The following UQCRC2 variants were observed in gnomAD, a reference collection of about 807,000 sequenced individuals.
UQCRC2 encodes cytochrome b-c1 complex subunit 2, mitochondrial.
In UQCRC2, 49 loss-of-function variants were observed where a neutral mutation model predicts 55.6. The observed-to-expected ratio is 0.88, with a 90% CI of 0.70 to 1.12. The LOEUF is 1.12. Among genes scored for constraint, UQCRC2 ranks in the 50% most tolerant of loss-of-function variants. The pLI, the probability that UQCRC2 is intolerant of heterozygous loss-of-function variation, is 0.00. For synonymous variants in UQCRC2, 193 were observed against 192.0 expected (o/e 1.01, Z -0.04); for missense variants, 506 against 547.8 (o/e 0.92, Z 0.76).
intron 4 of UQCRC2, among the ~76,000 whole-genome samples, chr16:21,961,636 A>T (rs1265015502): frequency 2.0e-5 from 1 of 48,912 alleles, no homozygotes; most frequent in Non-Finnish European, 3.3e-5. Context: ...TTATATATAT[A>T]TATATATATA....
chr16:21,983,140 T>G lies in UQCRC2; in HGVS notation c.1331T>G (p.Leu444Trp). 6.2e-7 allele frequency: 1 copy of G among 1,614,114 alleles called. No individual in the cohort carries two copies. The highest frequency in any genetic ancestry group is 8.5e-7 in the Non-Finnish European group (1 of 1,180,006). Residue 444 changes from leucine (L) to tryptophan (W), a missense_variant, in exon 14 of 14, where the codon TTG (leucine) becomes TGG (tryptophan). Leu to Trp is a moderately conservative substitution (Grantham distance 61). Transcript: ENST00000268379. Reference protein sequence around the residue: ...GQKSMAASGNLGHTPFVDEL With the variant: ...GQKSMAASGNWGHTPFVDEL ...AAGTCAATGGCAGCAAGTGGAAATT[T>G]GGGACATACACCTTTTGTTGATGAG...
At chr16:21,970,301 TTATGTCTA>T (rs1898429018) in intron 8 of UQCRC2, among the ~76,000 whole-genome samples, 1 of 152,218 alleles carries the variant, frequency 6.6e-6, no homozygotes, top group Non-Finnish European at 1.5e-5. Context: ...GTTCTTTTGG[TTATGTCTA>T]AGAACAGAAT....
At position 21,980,623 on chromosome 16, in the gene UQCRC2, C is replaced by G. The variant is rs1597970235; in HGVS notation, c.1201C>G (p.Leu401Val). ...CFLEEVGSQA[L>V]VAGSYMPPST... ...CCTGGAAGAAGTCGGGTCCCAGGCT[C>G]TAGTTGCTGGTTCTTACATGCCACC... Residue 401 changes from leucine (L) to valine (V), a missense_variant, in exon 13 of 14, where the codon CTA (leucine) becomes GTA (valine). By Grantham distance (32) the Leu-to-Val change is conservative. Coordinates refer to ENST00000268379, the MANE Select transcript of UQCRC2 (RefSeq NM_003366.4). The G allele has an allele frequency of 1.9e-6, 3 of 1,614,186 alleles. No homozygotes were observed. The highest frequency in any genetic ancestry group is 2.5e-6 in the Non-Finnish European group (3 of 1,180,032).
intron 12 of UQCRC2, among the ~76,000 whole-genome samples, chr16:21,977,339 G>A (rs1045387537): frequency 6.6e-6 from 1 of 151,552 alleles, no homozygotes; most frequent in Admixed American, 6.6e-5. Flanking sequence ...GGGCAACAGA[G>A]CAAGACCCTG....
At chr16:21,960,460 C>G (rs978665638) in intron 4 of UQCRC2, among the ~76,000 whole-genome samples, 4 of 152,176 alleles carry the variant, frequency 2.6e-5, no homozygotes, top group Non-Finnish European at 4.4e-5. Flanking sequence ...CTAATCCAGA[C>G]CAGTAAAACT....
chr16:21,976,004 A>C (rs116354729), intron 11 of UQCRC2, among the ~76,000 whole-genome samples, 163 bp from the exon 12 acceptor site: 1 of 152,176 alleles, frequency 6.6e-6, no homozygotes, highest in African/African-American at 2.4e-5. Context: ...GAACATAGGA[A>C]GAATAAGGAA....
chr16:21,973,916 T>C lies in UQCRC2; in HGVS notation c.987T>C (p.Ser329=), dbSNP rs1898521124. 1 of 1,613,106 alleles carries C rather than the reference T, an allele frequency of 6.2e-7. No individual in the cohort carries two copies. The highest frequency in any genetic ancestry group is 8.5e-7 in the Non-Finnish European group (1 of 1,179,626). Residue 329 remains serine, a synonymous_variant, in exon 11 of 14, where the codon AGT becomes AGC. Coordinates refer to ENST00000268379, the MANE Select transcript of UQCRC2 (RefSeq NM_003366.4). ...TTCAGGTTTCTGCATTTAATGCCAG[T>C]TACTCAGATTCTGGACTCTTTGGGA... ...QPFDVSAFNA[S]YSDSGLFGIY...
chr16:21,963,860 T>C (rs1438220379), intron 6 of UQCRC2, among the ~76,000 whole-genome samples: 1 of 152,228 alleles, frequency 6.6e-6, no homozygotes, highest in East Asian at 1.9e-4. Flanking sequence ...ATTGCTATTA[T>C]TGTTTAGCCA....
Position 21,973,963 on chromosome 16 carries a change from C to T in UQCRC2, c.1034C>T (p.Thr345Ile). The change falls in exon 11 of 14, where the codon ACA becomes ATA. Residue 345 changes from threonine to isoleucine, a missense_variant. Physicochemically the swap from Thr to Ile is moderately conservative, Grantham distance 89. Coordinates refer to ENST00000268379, the MANE Select transcript of UQCRC2 (RefSeq NM_003366.4). ...GGGATTTATACTATCTCCCAGGCCACAGCTGCTGGAGATGTAAGTTGCAAA... is the reference window on the plus strand; with the variant it reads ...GGGATTTATACTATCTCCCAGGCCATAGCTGCTGGAGATGTAAGTTGCAAA... ...LFGIYTISQATAAGDVIKAAY... is the reference protein window; with the variant it reads ...LFGIYTISQAIAAGDVIKAAY... 1 of 1,608,550 alleles carries T rather than the reference C, an allele frequency of 6.2e-7. No individual in the cohort carries two copies. Among genetic ancestry groups the T allele is most frequent in the Non-Finnish European group, 8.5e-7 (1 of 1,178,720 alleles).
intron 13 of UQCRC2, among the ~76,000 whole-genome samples, chr16:21,982,620 C>T (rs144908443): frequency 5.9e-5 from 9 of 152,288 alleles, no homozygotes; most frequent in East Asian, 5.8e-4. Context: ...AAGCACCAGC[C>T]ATCTCCTAGT....
intron 6 of UQCRC2, among the ~76,000 whole-genome samples, 186 bp from the exon 7 acceptor site, chr16:21,965,222 T>C (rs1474587326): frequency 6.6e-6 from 1 of 152,334 alleles, no homozygotes; most frequent in East Asian, 1.9e-4. Flanking sequence ...TATTTTTTTC[T>C]CAGCACATTC....
At chr16:21,965,950 C>G (rs1343612354) in intron 7 of UQCRC2, among the ~76,000 whole-genome samples, 1 of 152,084 alleles carries the variant, frequency 6.6e-6, no homozygotes, top group Non-Finnish European at 1.5e-5. Flanking sequence ...TCTCAAAGTG[C>G]TGGGATTACA....
chr16:21,975,231 C>T (rs1350702284), intron 11 of UQCRC2, among the ~76,000 whole-genome samples: 1 of 152,106 alleles, frequency 6.6e-6, no homozygotes, highest in African/African-American at 2.4e-5. Flanking sequence ...ATTCAGGGAT[C>T]TAGGCTCAAT....
intron 5 of UQCRC2, 89 bp downstream of exon 5, chr16:21,962,605 C>T (rs1387013608): frequency 3.1e-6 from 5 of 1,596,340 alleles, no homozygotes; most frequent in Non-Finnish European, 4.3e-6. Context: ...ATTATGACCT[C>T]TGACTTCCAT....
chr16:21,955,754 T>C (rs1898076238), intron 1 of UQCRC2, among the ~76,000 whole-genome samples: 1 of 152,154 alleles, frequency 6.6e-6, no homozygotes, highest in South Asian at 2.1e-4. Context: ...GTGGTCTTAA[T>C]ACAGCACACA....
At chr16:21,979,883 G>A (rs1420745692) in intron 12 of UQCRC2, among the ~76,000 whole-genome samples, 1 of 152,166 alleles carries the variant, frequency 6.6e-6, no homozygotes, top group Non-Finnish European at 1.5e-5. Context: ...ACATCATTAT[G>A]TAGTACATGA....
intron 6 of UQCRC2, 138 bp downstream of exon 6, chr16:21,963,023 CTG>C: frequency 2.6e-6 from 3 of 1,168,534 alleles, no homozygotes; most frequent in Non-Finnish European, 3.4e-6. Flanking sequence ...GAGTCTCACT[CTG>C]TCACCCAGGC....
chr16:21,967,854 C>T (rs772568267), intron 7 of UQCRC2, among the ~76,000 whole-genome samples: 3 of 152,024 alleles, frequency 2.0e-5, no homozygotes, highest in Non-Finnish European at 4.4e-5. Context: ...ACTCTGTTAG[C>T]CCTGTTATAG....
intron 11 of UQCRC2, among the ~76,000 whole-genome samples, chr16:21,975,911 A>G (rs1205454197): frequency 6.6e-6 from 1 of 152,214 alleles, no homozygotes; most frequent in African/African-American, 2.4e-5. Context: ...CTAAAAAATT[A>G]GCCAGGCCTG....
Sources: gnomAD v4.1 joint callset for allele counts (sites outside exome capture counted in the v4.1 genomes callset) on GRCh38, gnomAD v4.1.1 for gene constraint, MANE v1.5 for transcripts, NCBI Gene and HGNC (gene_info 2026-07-23, HGNC 2026-07-21) for gene names.